RGMA: variants seen among roughly 807,000 people sequenced by gnomAD.
The protein encoded by RGMA is repulsive guidance molecule BMP co-receptor a.
RGMA carries 10 observed loss-of-function variants against 23.2 expected under a neutral mutation model. That is an observed-to-expected ratio of 0.43 (90% CI 0.27 to 0.73). The LOEUF (loss-of-function observed/expected upper bound fraction) is 0.73, where lower values mean the gene tolerates loss of function less well. Ranked by LOEUF, RGMA falls within the 30% of genes least tolerant of loss-of-function variation. The pLI is 0.20. For missense variants in RGMA, 547 were observed against 630.5 expected (o/e 0.87, Z 1.42); for synonymous variants, 308 against 279.3 (o/e 1.10, Z -1.03).
At chr15:93,052,934 G>A (rs2054952487) in intron 2 of RGMA, among the ~76,000 whole-genome samples, 1 of 152,198 alleles carries the variant, frequency 6.6e-6, no homozygotes, top group African/African-American at 2.4e-5. Flanking sequence ...CCCCAGTCCT[G>A]GCATTGTATG....
chr15:93,073,209 C>A, intron 1 of RGMA, 178 bp from the exon 2 acceptor site: 2 of 1,176,626 alleles, frequency 1.7e-6, no homozygotes, highest in South Asian at 7.6e-5. Context: ...ATCCATCACT[C>A]GGTTCTCCGC....
At chr15:93,074,785 C>T (rs929064917) in intron 1 of RGMA, among the ~76,000 whole-genome samples, 6 of 152,210 alleles carry the variant, frequency 3.9e-5, no homozygotes, top group African/African-American at 1.2e-4. Flanking sequence ...CCCATTCCAG[C>T]GGCCACCGGG....
intron 2 of RGMA, among the ~76,000 whole-genome samples, chr15:93,060,036 ACACCT>A: frequency 6.6e-6 from 1 of 152,192 alleles, no homozygotes; most frequent in Non-Finnish European, 1.5e-5. Flanking sequence ...TGAGCTGAGC[ACACCT>A]GCCCAGTACT....
chr15:93,088,807 A>T, intron 1 of RGMA, 112 bp downstream of exon 1: 2 of 1,030,640 alleles, frequency 1.9e-6, no homozygotes, highest in Non-Finnish European at 2.8e-6. Flanking sequence ...GATGGGAGCA[A>T]GATGAGACGC....
intron 2 of RGMA, among the ~76,000 whole-genome samples, chr15:93,069,862 G>A (rs915566418): frequency 1.3e-5 from 2 of 152,240 alleles, no homozygotes; most frequent in African/African-American, 4.8e-5. Flanking sequence ...CGAAACATAT[G>A]CCTGGATGGA....
intron 1 of RGMA, among the ~76,000 whole-genome samples, chr15:93,075,095 CTTTT>C (rs35797220): frequency 1.4e-5 from 2 of 139,400 alleles, no homozygotes; most frequent in Non-Finnish European, 1.6e-5. Flanking sequence ...CACAGCAGGA[CTTTT>C]TTTTTTTTTT....
chr15:93,073,480 C>T lies in RGMA; in HGVS notation c.15-449G>A, dbSNP rs534286173. On this transcript the variant is annotated intron_variant, in intron 1 of 3. Coordinates refer to ENST00000329082, the MANE Select transcript of RGMA (RefSeq NM_020211.3). ...CCTTGGGAGGCCGCAGGGCATGAGGCGGGGCAGGACGCCCCCTTAATCCCC... is the reference window on the plus strand; with the variant it reads ...CCTTGGGAGGCCGCAGGGCATGAGGTGGGGCAGGACGCCCCCTTAATCCCC... 2.9e-5 allele frequency: 34 copies of T among 1,161,874 alleles called. No individual in the cohort carries two copies. The African/African-American group carries it at 4.9e-4, about 17-fold the overall frequency. 72.0% of individuals were successfully genotyped at this position (1,161,874 alleles called of 1,614,324 possible).
intron 1 of RGMA, chr15:93,074,003 C>T: frequency 7.2e-7 from 1 of 1,388,750 alleles, no homozygotes; most frequent in Non-Finnish European, 9.3e-7. Flanking sequence ...TTTCCTAACT[C>T]TGTCGCTTAT....
intron 2 of RGMA, among the ~76,000 whole-genome samples, chr15:93,057,521 G>A (rs2055033705): frequency 1.3e-5 from 2 of 152,140 alleles, no homozygotes; most frequent in African/African-American, 2.4e-5. Flanking sequence ...TGCTGGTACC[G>A]GATCTAGGAC....
At chr15:93,073,966 A>G in intron 1 of RGMA, 1 of 1,422,962 alleles carries the variant, frequency 7.0e-7, no homozygotes, top group South Asian at 1.5e-5. Flanking sequence ...GCAAGGCTGC[A>G]CTTGGGAGGG....
At chr15:93,086,764 GGCT>G (rs1895640122) in intron 1 of RGMA, among the ~76,000 whole-genome samples, 1 of 152,154 alleles carries the variant, frequency 6.6e-6, no homozygotes, top group African/African-American at 2.4e-5. Flanking sequence ...CTTCTCACAG[GGCT>G]GCTGAAGAGC....
intron 1 of RGMA, among the ~76,000 whole-genome samples, chr15:93,082,231 T>G (rs1895569954): frequency 6.6e-6 from 1 of 152,246 alleles, no homozygotes; most frequent in Non-Finnish European, 1.5e-5. Flanking sequence ...AGCTACAGCC[T>G]TTGTATGTAC....
At chr15:93,067,620 G>T (rs1274108802) in intron 2 of RGMA, among the ~76,000 whole-genome samples, 1 of 152,114 alleles carries the variant, frequency 6.6e-6, no homozygotes, top group Admixed American at 6.5e-5. Context: ...ACTGGGCAGT[G>T]TCCAGAGCAA....
chr15:93,082,211 T>C (rs1045778015), intron 1 of RGMA, among the ~76,000 whole-genome samples: 26 of 152,252 alleles, frequency 1.7e-4, no homozygotes, highest in Admixed American at 1.5e-3. Flanking sequence ...GCCTACTATG[T>C]GCCAGATTCA....
Position 93,059,897 on chromosome 15 carries a change from G to A in RGMA, c.131-7390C>T, listed in dbSNP as rs142561066. Among the ~76,000 whole-genome samples the A allele has an allele frequency of 5.3e-5, 8 of 152,326 alleles. No homozygotes were observed. The East Asian group carries it at 7.7e-4, about 15-fold the overall frequency. On this transcript the variant is annotated intron_variant, in intron 2 of 3. Coordinates refer to ENST00000329082, the MANE Select transcript of RGMA (RefSeq NM_020211.3). Reference sequence around the variant, plus strand: ...AACCTTAGACTTTTCTGATGCGAACGTCCATGGAAAGAAGGAAGGAAAGTT... The same window carrying A: ...AACCTTAGACTTTTCTGATGCGAACATCCATGGAAAGAAGGAAGGAAAGTT...
At chr15:93,058,605 C>T (rs1185602000) in intron 2 of RGMA, among the ~76,000 whole-genome samples, 3 of 152,158 alleles carry the variant, frequency 2.0e-5, no homozygotes, top group East Asian at 1.9e-4. Flanking sequence ...AATATAGACC[C>T]AGGACTGACT....
intron 2 of RGMA, among the ~76,000 whole-genome samples, chr15:93,053,673 C>T (rs1009436137): frequency 6.6e-6 from 1 of 152,204 alleles, no homozygotes; most frequent in African/African-American, 2.4e-5. Flanking sequence ...TGTGTGAACC[C>T]AGCCTGCATT....
intron 3 of RGMA, among the ~76,000 whole-genome samples, chr15:93,046,512 A>C (rs1234564090): frequency 6.6e-6 from 1 of 152,210 alleles, no homozygotes; most frequent in Non-Finnish European, 1.5e-5. Context: ...ATAGGAAATG[A>C]ATATGGTTTG....
In RGMA at chr15:93,045,012, G is replaced by T. The variant is rs755764658; in HGVS notation, c.1339C>A (p.Pro447Thr). 2 of 1,599,672 alleles carry T rather than the reference G, an allele frequency of 1.3e-6. No individual in the cohort carries two copies. Among genetic ancestry groups the T allele is most frequent in the African/African-American group, 1.3e-5 (1 of 74,732 alleles). The change falls in exon 4 of 4, where the codon CCT (proline) becomes ACT (threonine). Residue 447 changes from proline to threonine, a missense_variant. Transcript: ENST00000329082. The surrounding 1 kb of genome is among the most constrained non-coding windows in gnomAD (Gnocchi z 6.9). ...CATCTACGCGTCTAGCAGAACACAGGGAGCAGGGCCAGGAGCGGGACGAGG... is the reference window on the plus strand; with the variant it reads ...CATCTACGCGTCTAGCAGAACACAGTGAGCAGGGCCAGGAGCGGGACGAGG... ...GALVPLLALL[P>T]VFC
Sources: gnomAD v4.1 joint callset for allele counts (sites outside exome capture counted in the v4.1 genomes callset) on GRCh38, gnomAD v4.1.1 for gene constraint, Gnocchi (gnomAD v3.1) non-coding constraint, MANE v1.5 for transcripts, NCBI Gene and HGNC (gene_info 2026-07-23, HGNC 2026-07-21) for gene names.